The following CACNA1E variants were observed in gnomAD, a reference collection of about 807,000 sequenced individuals.
CACNA1E encodes the protein calcium voltage-gated channel subunit alpha1 E.
In CACNA1E, 40 loss-of-function variants were observed where a neutral mutation model predicts 259.2. The ratio of observed to expected loss-of-function variants is 0.15; its 90% CI spans 0.12 to 0.20. CACNA1E has a LOEUF of 0.20. Ranked by LOEUF, CACNA1E falls within the 10% of genes least tolerant of loss-of-function variation. CACNA1E has a pLI of 1.00. For synonymous variants in CACNA1E, 1,104 were observed against 1,138.5 expected (o/e 0.97, Z 0.61); for missense variants, 1,874 against 3,040.1 (o/e 0.62, Z 9.02).
chr1:181,518,069 T>TG (rs1666723602), intron 3 of CACNA1E, among the ~76,000 whole-genome samples: 1 of 151,936 alleles, frequency 6.6e-6, no homozygotes, highest in African/African-American at 2.4e-5. Context: ...AGGATGCAGA[T>TG]GGGGAGCAAG....
intron 3 of CACNA1E, among the ~76,000 whole-genome samples, chr1:181,528,094 C>G (rs761309683): frequency 6.6e-6 from 1 of 151,184 alleles, no homozygotes; most frequent in East Asian, 1.9e-4. Flanking sequence ...CTACCCAAAT[C>G]TCAACTTGTT....
intron 3 of CACNA1E, among the ~76,000 whole-genome samples, chr1:181,526,303 T>C (rs1028326655): frequency 6.6e-6 from 1 of 151,928 alleles, no homozygotes; most frequent in Non-Finnish European, 1.5e-5. Flanking sequence ...TAATAGTTAG[T>C]TGGTGGGGTC....
intron 6 of CACNA1E, among the ~76,000 whole-genome samples, chr1:181,624,200 C>T (rs1170590655): frequency 6.6e-6 from 1 of 152,140 alleles, no homozygotes; most frequent in East Asian, 1.9e-4. Context: ...TCAAGCTATT[C>T]ATGGGAGATC....
intron 7 of CACNA1E, among the ~76,000 whole-genome samples, chr1:181,660,349 TGAG>T (rs1647527510): frequency 6.6e-6 from 1 of 152,146 alleles, no homozygotes; most frequent in South Asian, 2.1e-4. Context: ...ATGGGTAAAA[TGAG>T]GAGATTGTAG....
At position 181,717,373 on chromosome 1, in the gene CACNA1E, G is replaced by A. The variant is rs780384169; in HGVS notation, c.1525+71G>A. 1.6e-5 allele frequency: 20 copies of A among 1,271,260 alleles called. No homozygotes were observed. In the East Asian group the frequency reaches 1.6e-4, roughly 10 times the overall value. The allele number at this position is 1,271,260 out of a possible 1,614,324, so 78.7% of individuals were successfully genotyped here. A position where few individuals can be genotyped will look rare whatever the true frequency, so the allele number is the denominator to read the frequency against. On this transcript the variant is annotated intron_variant, in intron 11 of 47. Coordinates refer to ENST00000367573, the MANE Select transcript of CACNA1E (RefSeq NM_001205293.3). ...GGGGCAGCTTGATGTGTGTGTGAAC[G>A]CAAGACAGCAAAGCACCCTGCTAGG...
intron 8 of CACNA1E, 140 bp downstream of exon 8, chr1:181,711,209 G>C: frequency 1.6e-6 from 1 of 644,268 alleles, no homozygotes; most frequent in South Asian, 1.9e-5. Flanking sequence ...GGCTCTTAAG[G>C]TTCCCTGCTC....
intron 1 of CACNA1E, among the ~76,000 whole-genome samples, chr1:181,373,014 T>C (rs1654819652): frequency 6.6e-6 from 1 of 152,132 alleles, no homozygotes; most frequent in Middle Eastern, 3.2e-3. Flanking sequence ...ATTATCTTTT[T>C]GATGTGCTGC....
chr1:181,328,638 T>G (rs1176205898), intron 1 of CACNA1E, among the ~76,000 whole-genome samples: 1 of 151,530 alleles, frequency 6.6e-6, no homozygotes, highest in Admixed American at 6.6e-5. Flanking sequence ...TGGGGTGAAA[T>G]GTACATGGAT....
At position 181,580,647 on chromosome 1, in the gene CACNA1E, A is replaced by G; in HGVS notation, c.822A>G (p.Pro274=). The part of the protein sequence containing the change: ...PPHPCGVQGC[P]AGYECKDWIG... ...ACCCATGTGGTGTGCAGGGCTGCCC[A>G]GCTGGTTATGAATGCAAGGACTGGA... The change falls in exon 6 of 48, where the codon CCA becomes CCG. Residue 274 remains proline (P), a synonymous_variant. Transcript: ENST00000367573. 1 of 1,614,094 alleles carries G rather than the reference A, an allele frequency of 6.2e-7. No individual in the cohort carries two copies. Among genetic ancestry groups the G allele is most frequent in the East Asian group, 2.2e-5 (1 of 44,892 alleles).
intron 6 of CACNA1E, among the ~76,000 whole-genome samples, chr1:181,590,543 G>T (rs952665747): frequency 1.3e-5 from 2 of 151,972 alleles, no homozygotes; most frequent in Admixed American, 6.6e-5. Context: ...CACAGTGACA[G>T]GACCAATGCC....
At chr1:181,775,085 C>T (rs1404442388) in intron 37 of CACNA1E, among the ~76,000 whole-genome samples, 1 of 152,208 alleles carries the variant, frequency 6.6e-6, no homozygotes, top group Admixed American at 6.5e-5. Context: ...GTAGTGGCAG[C>T]TCTAGACCGC....
intron 47 of CACNA1E, among the ~76,000 whole-genome samples, chr1:181,797,977 C>T (rs1473918478): frequency 6.6e-6 from 1 of 152,174 alleles, no homozygotes; most frequent in Admixed American, 6.5e-5. Context: ...AGACCTGCCA[C>T]CCCTAGCATC....
Position 181,350,556 on chromosome 1 carries a change from A to G in CACNA1E, c.-15+32433A>G, listed in dbSNP as rs556902516. On this transcript the variant is annotated intron_variant, in intron 1 of 11. Coordinates refer to the CACNA1E transcript ENST00000524607. Reference sequence around the variant, plus strand: ...AGGACTCGCAGAGCTCAGCTTGCCCAGGACTGAGACAACGTTAGACGGAAT... The same window carrying G: ...AGGACTCGCAGAGCTCAGCTTGCCCGGGACTGAGACAACGTTAGACGGAAT... Among the ~76,000 whole-genome samples, 7 of 152,306 alleles carry G rather than the reference A, an allele frequency of 4.6e-5. No individual in the cohort carries two copies. In the South Asian group the frequency reaches 1.5e-3, roughly 32 times the overall value.
intron 3 of CACNA1E, among the ~76,000 whole-genome samples, chr1:181,560,085 C>G (rs1351291483): frequency 6.6e-6 from 1 of 151,614 alleles, no homozygotes; most frequent in Non-Finnish European, 1.5e-5. Flanking sequence ...GCAATCAGAA[C>G]ATGTACTACA....
At chr1:181,794,048 C>G (rs184815201) in intron 45 of CACNA1E, among the ~76,000 whole-genome samples, 44 of 152,264 alleles carry the variant, frequency 2.9e-4, no homozygotes, top group African/African-American at 1.0e-3. Flanking sequence ...AAGATTCAAC[C>G]AGCCATGCAA....
chr1:181,685,397 A>G (rs746397288), intron 7 of CACNA1E, among the ~76,000 whole-genome samples: 2 of 152,170 alleles, frequency 1.3e-5, no homozygotes, highest in Admixed American at 6.5e-5. Flanking sequence ...CCGAGTTGGA[A>G]TGTGAATAAC....
chr1:181,563,175 T>C (rs1649490291), intron 3 of CACNA1E, among the ~76,000 whole-genome samples: 1 of 152,208 alleles, frequency 6.6e-6, no homozygotes, highest in Admixed American at 6.5e-5. Context: ...AATTGTAGGT[T>C]TGTCTTCTTT....
intron 25 of CACNA1E, 37 bp downstream of exon 25, chr1:181,739,290 C>A: frequency 7.4e-7 from 1 of 1,344,520 alleles, no homozygotes; most frequent in Non-Finnish European, 1.1e-6. Flanking sequence ...CCCTTCCTTC[C>A]CCTCTTCCTG....
At chr1:181,359,606 T>C (rs1470073996) in intron 1 of CACNA1E, among the ~76,000 whole-genome samples, 5 of 152,152 alleles carry the variant, frequency 3.3e-5, no homozygotes, top group African/African-American at 1.2e-4. Flanking sequence ...TCCGATACTC[T>C]ATGGCTCTGT....
Sources: gnomAD v4.1 joint callset for allele counts (sites outside exome capture counted in the v4.1 genomes callset) on GRCh38, gnomAD v4.1.1 for gene constraint, MANE v1.5 for transcripts, NCBI Gene and HGNC (gene_info 2026-07-23, HGNC 2026-07-21) for gene names.